GPHN: variants seen among roughly 807,000 people sequenced by gnomAD.
GPHN encodes gephyrin.
GPHN carries 17 observed loss-of-function variants against 95.5 expected under a neutral mutation model. The observed-to-expected ratio is 0.18, with a 90% CI of 0.12 to 0.27. The LOEUF (loss-of-function observed/expected upper bound fraction) is 0.27, where lower values mean the gene tolerates loss of function less well. GPHN is among the 10% of genes least tolerant of loss of function. GPHN has a pLI of 1.00. For synonymous variants in GPHN, 320 were observed against 322.5 expected, an observed-to-expected ratio of 0.99 and a Z score of 0.08; for missense variants, 660 against 978.1, an observed-to-expected ratio of 0.67 and a Z score of 4.34.
At chr14:67,264,038 A>G in the GPHN span, among the ~76,000 whole-genome samples, 1 of 152,126 alleles carries the variant, frequency 6.6e-6, no homozygotes, top group African/African-American at 2.4e-5. Context: ...AGCACCTGGG[A>G]CTACAGGTGC....
the GPHN span, chr14:67,585,975 T>C: frequency 6.2e-7 from 1 of 1,613,736 alleles, no homozygotes; most frequent in Non-Finnish European, 8.5e-7. Flanking sequence ...TTACCCCTAC[T>C]CTTCAGTGAC....
At chr14:67,440,883 G>A in the GPHN span, among the ~76,000 whole-genome samples, 1 of 152,114 alleles carries the variant, frequency 6.6e-6, no homozygotes, top group Non-Finnish European at 1.5e-5. Context: ...ATGGGCAGGA[G>A]CAAGAGAAGG....
chr14:67,196,168 A>C, the GPHN span, among the ~76,000 whole-genome samples: 1 of 151,298 alleles, frequency 6.6e-6, no homozygotes, highest in African/African-American at 2.4e-5. Flanking sequence ...TAAGCCTCTG[A>C]CAAGTTTCAT....
intron 2 of GPHN, among the ~76,000 whole-genome samples, chr14:66,756,418 GCACA>G (rs1430820765): frequency 1.3e-5 from 2 of 152,030 alleles, no homozygotes; most frequent in African/African-American, 4.8e-5. Context: ...GTAGGCAGGG[GCACA>G]ACTGTGCTTT....
intron 1 of GPHN, among the ~76,000 whole-genome samples, chr14:66,538,718 A>G (rs2059231438): frequency 6.7e-6 from 1 of 149,782 alleles, no homozygotes; most frequent in Non-Finnish European, 1.5e-5. Flanking sequence ...ATTGTCTCCT[A>G]ACTCCACTAT....
the GPHN span, among the ~76,000 whole-genome samples, chr14:67,639,949 A>G: frequency 7.0e-5 from 10 of 143,544 alleles, no homozygotes; most frequent in African/African-American, 2.5e-4. Context: ...AAAAAAAAAA[A>G]GTCTGTGCAG....
the GPHN span, among the ~76,000 whole-genome samples, chr14:67,268,650 C>T: frequency 8.5e-5 from 13 of 152,296 alleles, no homozygotes; most frequent in Admixed American, 3.9e-4. Context: ...CTGGCAGGAG[C>T]GTCTTTTAGC....
At chr14:67,365,020 A>C in the GPHN span, 11 of 1,572,002 alleles carry the variant, frequency 7.0e-6, no homozygotes, top group South Asian at 1.2e-4. Context: ...TAAGTGAGAA[A>C]AATATCTGTA....
chr14:67,601,060 C>T, the GPHN span, among the ~76,000 whole-genome samples: 4 of 152,314 alleles, frequency 2.6e-5, no homozygotes, highest in East Asian at 7.7e-4. Flanking sequence ...CGGGCAGCTT[C>T]CTTTCTAGTA....
At chr14:67,546,297 T>C in the GPHN span, among the ~76,000 whole-genome samples, 1 of 152,154 alleles carries the variant, frequency 6.6e-6, no homozygotes, top group East Asian at 1.9e-4. Flanking sequence ...GTGACAAAAA[T>C]TAAGGGTTGA....
At chr14:67,193,741 G>C in the GPHN span, among the ~76,000 whole-genome samples, 5 of 146,078 alleles carry the variant, frequency 3.4e-5, no homozygotes, top group Non-Finnish European at 4.5e-5. Context: ...CCAGGAGTTT[G>C]AGACCAGCCT....
intron 1 of GPHN, among the ~76,000 whole-genome samples, chr14:66,584,508 A>G (rs915107714): frequency 6.6e-6 from 1 of 152,040 alleles, no homozygotes; most frequent in African/African-American, 2.4e-5. Flanking sequence ...CATTCAGTAT[A>G]ATATTGGCTG....
the GPHN span, among the ~76,000 whole-genome samples, chr14:67,537,254 G>C: frequency 2.3e-5 from 3 of 132,962 alleles, 1 homozygote; most frequent in African/African-American, 5.8e-5. Flanking sequence ...TGAGGCAGGA[G>C]AATTATTTGA....
chr14:67,634,044 T>C, the GPHN span, among the ~76,000 whole-genome samples: 1 of 152,168 alleles, frequency 6.6e-6, no homozygotes, highest in African/African-American at 2.4e-5. Context: ...CACCATACCT[T>C]ATTTCTGCAT....
At chr14:66,840,884 A>G (rs2062048454) in intron 4 of GPHN, among the ~76,000 whole-genome samples, 1 of 151,216 alleles carries the variant, frequency 6.6e-6, no homozygotes, top group Non-Finnish European at 1.5e-5. Context: ...CTTTCAGAAG[A>G]ATACTCTGAA....
the GPHN span, among the ~76,000 whole-genome samples, chr14:67,402,430 G>A: frequency 2.6e-5 from 4 of 152,244 alleles, no homozygotes; most frequent in East Asian, 7.7e-4. Context: ...CAAACAATCC[G>A]ATTATACTCT....
chr14:66,824,547 C>T lies in GPHN; in HGVS notation c.275C>T (p.Pro92Leu). 6.5e-7 allele frequency: 1 copy of T among 1,534,862 alleles called. No individual in the cohort carries two copies. The highest frequency in any genetic ancestry group is 9.0e-7 in the Non-Finnish European group (1 of 1,107,760). The change falls in exon 4 of 23, where the codon CCA becomes CTA. Residue 92 changes from proline to leucine, a missense_variant. Physicochemically the swap from Pro to Leu is moderately conservative, Grantham distance 98 (BLOSUM62 -3). This residue lies in a region of GPHN where 71 missense variants were observed against 130.8 expected (regional missense o/e 0.54). Transcript: ENST00000478722. Reference protein sequence around the residue: ...ILTTGGTGFAPRDVTPEATKE... With the variant: ...ILTTGGTGFALRDVTPEATKE... ...ACAACTGGAGGAACAGGATTTGCAC[C>T]ACGAGATGTCACTCCAGAGGTGAGA...
chr14:66,582,303 T>C (rs1353184655), intron 1 of GPHN, among the ~76,000 whole-genome samples: 1 of 151,938 alleles, frequency 6.6e-6, no homozygotes. Context: ...AAATGGGAAA[T>C]TAAAGGGAAA....
chr14:66,521,628 G>T (rs141558282), intron 1 of GPHN, among the ~76,000 whole-genome samples: 32 of 152,262 alleles, frequency 2.1e-4, no homozygotes, highest in African/African-American at 6.7e-4. Context: ...TTCTAGCTAT[G>T]TCCACATATG....
Sources: gnomAD v4.1 joint callset for allele counts (sites outside exome capture counted in the v4.1 genomes callset) on GRCh38, gnomAD v4.1.1 for gene constraint, gnomAD v4.1.1 regional missense constraint, MANE v1.5 for transcripts, NCBI Gene and HGNC (gene_info 2026-07-23, HGNC 2026-07-21) for gene names.